Variants in RNPC3 observed in about 807,000 individuals in gnomAD.
The protein encoded by RNPC3 is RNA-binding region-containing protein 3.
A neutral mutation model predicts 67.5 loss-of-function variants in RNPC3; 48 were observed. The observed-to-expected ratio is 0.71, with a 90% CI of 0.56 to 0.90. RNPC3 has a LOEUF of 0.90. Among genes scored for constraint, RNPC3 ranks in the 40% least tolerant of loss-of-function variants. The probability of loss-of-function intolerance (pLI) is 0.00; values close to 1 mark genes in which losing one functional copy is unlikely to be tolerated. For synonymous variants in RNPC3, 239 were observed against 210.3 expected, an observed-to-expected ratio of 1.14 and a Z score of -1.18; for missense variants, 637 against 626.1, an observed-to-expected ratio of 1.02 and a Z score of -0.19.
chr1:103,543,884 A>G (rs1488647588), intron 9 of RNPC3, among the ~76,000 whole-genome samples: 1 of 151,788 alleles, frequency 6.6e-6, no homozygotes, highest in Non-Finnish European at 1.5e-5. Flanking sequence ...TCCAAAAGAC[A>G]TGGAAGATTG....
rs1202723816 is a variant in RNPC3 at position 103,541,437 on chromosome 1, A to G, written c.855A>G (p.Ile285Met). 80 of 1,493,246 alleles carry G rather than the reference A, an allele frequency of 5.4e-5. No individual in the cohort carries two copies. Among genetic ancestry groups the G allele is most frequent in the Non-Finnish European group, 6.9e-5 (78 of 1,132,768 alleles). The allele number at this position is 1,493,246 out of a possible 1,614,324, so 92.5% of individuals were successfully genotyped here. A position where few individuals can be genotyped will look rare whatever the true frequency, so the allele number is the denominator to read the frequency against. The change falls in exon 8 of 15, where the codon ATA becomes ATG. Residue 285 changes from isoleucine to methionine, a missense_variant. Ile to Met is a conservative substitution (Grantham distance 10). Transcript: ENST00000423855. The part of the protein sequence containing the change: ...KQRHVRKKRK[I>M]KDMLNTPLCP... ...GCCATGTGAGAAAAAAGAGAAAAAT[A>G]AAGGATATGTTGAATACACCTTTGT...
At chr1:103,545,421 G>T (rs1227667607) in intron 10 of RNPC3, 1 of 205,740 alleles carries the variant, frequency 4.9e-6, no homozygotes, top group African/African-American at 2.4e-5. Context: ...AAATGCAGCT[G>T]ATAGACTGTC....
In RNPC3 at chr1:103,551,064, C is replaced by G. The variant is rs1332790359; in HGVS notation, c.1485C>G (p.Pro495=). Residue 495 remains proline, a synonymous_variant, in exon 13 of 15, where the codon CCC becomes CCG. Transcript: ENST00000423855. ...ATGGATATGTGCTTTTTGGAAAACC[C>G]ATGGTGGTTGTATCCTTTAAATCCA... is the stretch of plus-strand genomic sequence containing the variant. ...EANGYVLFGK[P]MVVQFARSAR... is the part of the protein sequence containing the mutation. 1.2e-6 allele frequency: 2 copies of G among 1,609,714 alleles called. No individual in the cohort carries two copies. The highest frequency in any genetic ancestry group is 2.2e-5 in the East Asian group (1 of 44,706).
At chr1:103,541,143 T>G (rs906858153) in intron 7 of RNPC3, among the ~76,000 whole-genome samples, 3 of 152,160 alleles carry the variant, frequency 2.0e-5, no homozygotes, top group Non-Finnish European at 4.4e-5. Flanking sequence ...CTAAGTAAGA[T>G]GAAAGCTAAG....
At chr1:103,537,311 C>A (rs1313879793) in intron 6 of RNPC3, 31 bp from the exon 7 acceptor site, 1 of 1,466,802 alleles carries the variant, frequency 6.8e-7, no homozygotes, top group South Asian at 1.3e-5. Context: ...TTTGGACTGC[C>A]ATAGTATTTT....
At chr1:103,531,298 T>C (rs983050177) in intron 2 of RNPC3, among the ~76,000 whole-genome samples, 8 of 152,222 alleles carry the variant, frequency 5.3e-5, no homozygotes, top group Non-Finnish European at 7.3e-5. Flanking sequence ...CAAATTGTGC[T>C]GCTATAAACG....
chr1:103,546,910 ATTTATTTATTTATTAAG>A, intron 11 of RNPC3, 50 bp from the exon 12 acceptor site: 1 of 779,152 alleles, frequency 1.3e-6, no homozygotes, highest in Non-Finnish European at 2.1e-6. Context: ...GCATTGATGT[ATTTATTTATTTATTAAG>A]TTTTTTTCCC....
Position 103,541,433 on chromosome 1 carries a change from A to T in RNPC3, c.851A>T (p.Lys284Ile). The T allele has an allele frequency of 6.7e-7, 1 of 1,493,102 alleles. No individual in the cohort carries two copies. The highest frequency in any genetic ancestry group is 8.8e-7 in the Non-Finnish European group (1 of 1,132,878). The allele number at this position is 1,493,102 out of a possible 1,614,324, so 92.5% of individuals were successfully genotyped here. ...CAGCGCCATGTGAGAAAAAAGAGAA[A>T]AATAAAGGATATGTTGAATACACCT... ...IKQRHVRKKR[K>I]IKDMLNTPLC... Residue 284 changes from lysine to isoleucine, a missense_variant, in exon 8 of 15, where the codon AAA becomes ATA. Physicochemically the swap from Lys to Ile is moderately radical, Grantham distance 102. Transcript: ENST00000423855.
chr1:103,535,073 A>G (rs973351938), intron 4 of RNPC3, among the ~76,000 whole-genome samples: 1 of 152,030 alleles, frequency 6.6e-6, no homozygotes, highest in Non-Finnish European at 1.5e-5. Flanking sequence ...TTGAATAAAC[A>G]TTTTGAGTTG....
chr1:103,550,258 T>C (rs1205311129), intron 12 of RNPC3, among the ~76,000 whole-genome samples: 2 of 152,126 alleles, frequency 1.3e-5, no homozygotes, highest in African/African-American at 4.8e-5. Context: ...TTCTTGGTTA[T>C]GTAGTAGTAG....
intron 12 of RNPC3, among the ~76,000 whole-genome samples, chr1:103,548,482 A>T (rs1225054560): frequency 6.6e-6 from 1 of 152,206 alleles, no homozygotes. Context: ...CAAAACAAAG[A>T]GTTTGCTAAA....
At chr1:103,526,307 A>G (rs902077429) in intron 1 of RNPC3, 45 bp downstream of exon 1, 2 of 1,464,450 alleles carry the variant, frequency 1.4e-6, no homozygotes, top group Non-Finnish European at 1.8e-6. Context: ...GCATTTGGGA[A>G]GTGACCGGGG....
intron 1 of RNPC3, 82 bp downstream of exon 1, chr1:103,526,344 G>A: frequency 2.6e-6 from 3 of 1,170,828 alleles, no homozygotes; most frequent in Non-Finnish European, 3.6e-6. Flanking sequence ...AGAGTAAAAT[G>A]GAAACGAGTG....
rs941465349 is a variant in RNPC3, at chr1:103,555,020, T to C, written c.*13-14T>C. Reference sequence around the variant, plus strand: ...TATACTTCCTATTTTTAATGGGCTTTTATGATGTTTTAGGTTTTTTTGAAT... The same window carrying C: ...TATACTTCCTATTTTTAATGGGCTTCTATGATGTTTTAGGTTTTTTTGAAT... On this transcript the variant is annotated splice_polypyrimidine_tract_variant and intron_variant, in intron 14 of 14. Transcript: ENST00000423855. 1 of 152,138 alleles carries C rather than the reference T, an allele frequency of 6.6e-6. No homozygotes were observed. The highest frequency in any genetic ancestry group is 1.5e-5 in the Non-Finnish European group (1 of 68,000). The allele number at this position is 152,138 out of a possible 1,614,324, so 9.4% of individuals were successfully genotyped here. A position where few individuals can be genotyped will look rare whatever the true frequency, so the allele number is the denominator to read the frequency against.
rs560101975 is a variant in RNPC3 at position 103,542,268 on chromosome 1, G to A, written c.893+793G>A. ...GTAAGAGAGAGGAGATATTTGAGCTGGCCCTTTAAGGAGGGGAGACAAAAA... is the reference window on the plus strand; with the variant it reads ...GTAAGAGAGAGGAGATATTTGAGCTAGCCCTTTAAGGAGGGGAGACAAAAA... On this transcript the variant is annotated intron_variant, in intron 8 of 14. Coordinates refer to ENST00000423855, the MANE Select transcript of RNPC3 (RefSeq NM_017619.4). Among the ~76,000 whole-genome samples, 46 of 152,034 alleles carry A rather than the reference G, an allele frequency of 3.0e-4. 1 individual carries two copies. In the South Asian group the frequency reaches 7.0e-3, roughly 23 times the overall value.
chr1:103,537,340 A>G lies in RNPC3; in HGVS notation c.625-2A>G. Reference sequence around the variant, plus strand: ...GTATTTTTGTTTTATTCTTTTAATTAGTATGAAGACTATATGCCATTGCAT... The same window carrying G: ...GTATTTTTGTTTTATTCTTTTAATTGGTATGAAGACTATATGCCATTGCAT... On this transcript the variant is annotated splice_acceptor_variant, in intron 6 of 14. Transcript: ENST00000423855. LOFTEE classifies it high-confidence loss of function. 1 of 1,522,718 alleles carries G rather than the reference A, an allele frequency of 6.6e-7. No individual in the cohort carries two copies. The highest frequency in any genetic ancestry group is 1.4e-5 in the African/African-American group (1 of 72,254). The allele number at this position is 1,522,718 out of a possible 1,614,324, so 94.3% of individuals were successfully genotyped here. A position where few individuals can be genotyped will look rare whatever the true frequency, so the allele number is the denominator to read the frequency against.
chr1:103,526,308 G>C (rs761467575), intron 1 of RNPC3, 46 bp downstream of exon 1: 2 of 1,461,078 alleles, frequency 1.4e-6, no homozygotes, highest in Admixed American at 2.4e-5. Context: ...CATTTGGGAA[G>C]TGACCGGGGA....
chr1:103,551,063 C>T lies in RNPC3; in HGVS notation c.1484C>T (p.Pro495Leu), dbSNP rs1055279304. The change falls in exon 13 of 15, where the codon CCC becomes CTC. Residue 495 changes from proline to leucine, a missense_variant. Physicochemically the swap from Pro to Leu is moderately conservative, Grantham distance 98 (BLOSUM62 -3). This residue lies in a region of RNPC3 where 96 missense variants were observed against 105.8 expected (regional missense o/e 0.91). Transcript: ENST00000423855. Reference sequence around the variant, plus strand: ...AATGGATATGTGCTTTTTGGAAAACCCATGGTGGTTGTATCCTTTAAATCC... The same window carrying T: ...AATGGATATGTGCTTTTTGGAAAACTCATGGTGGTTGTATCCTTTAAATCC... ...EANGYVLFGK[P>L]MVVQFARSAR... 1 of 1,609,926 alleles carries T rather than the reference C, an allele frequency of 6.2e-7. No individual in the cohort carries two copies. The highest frequency in any genetic ancestry group is 8.5e-7 in the Non-Finnish European group (1 of 1,178,072).
chr1:103,535,344 T>C lies in RNPC3; in HGVS notation c.458T>C (p.Leu153Ser). ...IAPNHGLTFPLNSCLKYMYPP... is the reference protein window; with the variant it reads ...IAPNHGLTFPSNSCLKYMYPP... ...TTGTTTTATAGGCTGACTTTTCCTT[T>C]AAATTCATGCCTCAAGTATATGTAC... Residue 153 changes from leucine (L) to serine (S), a missense_variant, in exon 5 of 15, where the codon TTA (leucine) becomes TCA (serine). This residue lies in a region of RNPC3 where 536 missense variants were observed against 500.3 expected (regional missense o/e 1.07). Coordinates refer to ENST00000423855, the MANE Select transcript of RNPC3 (RefSeq NM_017619.4). 1 of 1,533,764 alleles carries C rather than the reference T, an allele frequency of 6.5e-7. No homozygotes were observed. The highest frequency in any genetic ancestry group is 8.7e-7 in the Non-Finnish European group (1 of 1,144,760).
Sources: gnomAD v4.1 joint callset for allele counts (sites outside exome capture counted in the v4.1 genomes callset) on GRCh38, gnomAD v4.1.1 for gene constraint, gnomAD v4.1.1 regional missense constraint, MANE v1.5 for transcripts, NCBI Gene and HGNC (gene_info 2026-07-23, HGNC 2026-07-21) for gene names.